Variants in KALRN observed in about 807,000 individuals in gnomAD.
KALRN encodes the protein kalirin.
In KALRN, 70 loss-of-function variants were observed where a neutral mutation model predicts 353.7. The observed-to-expected ratio is 0.20, with a 90% confidence interval of 0.16 to 0.24. KALRN has a LOEUF of 0.24. KALRN is among the 10% of genes least tolerant of loss of function. The probability of loss-of-function intolerance (pLI) is 1.00; values close to 1 mark genes in which losing one functional copy is unlikely to be tolerated. For synonymous variants in KALRN, 1,391 were observed against 1,434.8 expected (o/e 0.97, Z 0.69); for missense variants, 2,791 against 3,756.7 (o/e 0.74, Z 6.72).
At chr3:124,094,833 G>T in intron 1 of KALRN, 1 of 1,613,994 alleles carries the variant, frequency 6.2e-7, no homozygotes, top group East Asian at 2.2e-5. Context: ...TGAGTTCAGG[G>T]TGGGATGACG....
chr3:124,537,655 A>G (rs2068644963), intron 33 of KALRN, among the ~76,000 whole-genome samples: 1 of 152,228 alleles, frequency 6.6e-6, no homozygotes, highest in Non-Finnish European at 1.5e-5. Context: ...AACATCATAA[A>G]TAAAAGTCAA....
chr3:124,446,333 T>C, intron 20 of KALRN, 57 bp downstream of exon 20: 1 of 1,283,778 alleles, frequency 7.8e-7, no homozygotes, highest in Non-Finnish European at 1.1e-6. Context: ...CAGAGGCCCA[T>C]CACCAAGGCT....
rs372262221 is a variant in KALRN, at chr3:124,557,456, T to A, written c.4936-5387T>A. On this transcript the variant is annotated intron_variant, in intron 33 of 59. Transcript: ENST00000682506. ...ACATTACCTAATTAAATGAAATCACTTTCTGATGGAGGAATTCCAGGCATT... is the reference window on the plus strand; with the variant it reads ...ACATTACCTAATTAAATGAAATCACATTCTGATGGAGGAATTCCAGGCATT... 9.2e-5 allele frequency among the ~76,000 whole-genome samples: 14 copies of A among 152,314 alleles called. No homozygotes were observed. The East Asian group carries it at 1.3e-3, about 15-fold the overall frequency.
chr3:124,071,490 A>G (rs1204040700), intron 1 of KALRN, among the ~76,000 whole-genome samples: 2 of 152,234 alleles, frequency 1.3e-5, no homozygotes, highest in Non-Finnish European at 2.9e-5. Flanking sequence ...AGCAGAAGAC[A>G]TCTTAGTCTA....
intron 33 of KALRN, among the ~76,000 whole-genome samples, chr3:124,555,233 GA>G (rs35641670): frequency 2.0e-4 from 29 of 147,968 alleles, no homozygotes; most frequent in Admixed American, 8.8e-4. Context: ...TATCATTAAA[GA>G]AAAAAAAAAG....
Position 124,724,517 on chromosome 3 carries a change from G to A in KALRN, c.*5047G>A, listed in dbSNP as rs1296918717. The stretch of plus-strand genomic sequence containing the variant: ...GATGATGAATGATTAAACCCATGGT[G>A]GGCTTAGAGACGACAGAGCTCACAC... On this transcript the variant is annotated 3_prime_UTR_variant, in exon 60 of 60. Transcript: ENST00000682506. 6.6e-6 allele frequency: 1 copy of A among 152,124 alleles called. No individual in the cohort carries two copies. The highest frequency in any genetic ancestry group is 1.5e-5 in the Non-Finnish European group (1 of 68,004). 9.4% of individuals were successfully genotyped at this position (152,124 alleles called of 1,614,324 possible). A position where few individuals can be genotyped will look rare whatever the true frequency, so the allele number is the denominator to read the frequency against.
rs373194342 is a variant in KALRN at position 124,430,645 on chromosome 3, C to G, written c.2710-11C>G. On this transcript the variant is annotated splice_polypyrimidine_tract_variant and intron_variant, in intron 15 of 59. Coordinates refer to ENST00000682506, the MANE Select transcript of KALRN (RefSeq NM_001388419.1). ...AGGCCATTCACCTGTGTGCTTGTCC[C>G]GATTCCCTAGGTTCTGGGATGGATC... 1.9e-6 allele frequency: 3 copies of G among 1,613,630 alleles called. No individual in the cohort carries two copies.
chr3:124,294,933 G>A (rs1278943514), intron 5 of KALRN, among the ~76,000 whole-genome samples: 1 of 152,218 alleles, frequency 6.6e-6, no homozygotes, highest in South Asian at 2.1e-4. Context: ...CAGAAATGAA[G>A]TGACTTTTCC....
At chr3:124,471,828 G>A (rs183763848) in intron 25 of KALRN, among the ~76,000 whole-genome samples, 44 of 151,946 alleles carry the variant, frequency 2.9e-4, no homozygotes, top group East Asian at 9.8e-4. Context: ...TTAGCCAGGC[G>A]TGGTGGCGGG....
In KALRN at chr3:124,415,041, G is replaced by A. The variant is rs546542094; in HGVS notation, c.2542+1376G>A. Among the ~76,000 whole-genome samples the A allele has an allele frequency of 5.3e-5, 8 of 152,344 alleles. No homozygotes were observed. The East Asian group carries it at 7.7e-4, about 15-fold the overall frequency. Reference sequence around the variant, plus strand: ...TAGTAAATTCTGTTCACTTTTGTCAGCATAGTCTGTCCTTGAATTTTCATC... The same window carrying A: ...TAGTAAATTCTGTTCACTTTTGTCAACATAGTCTGTCCTTGAATTTTCATC... On this transcript the variant is annotated intron_variant, in intron 14 of 59. Coordinates refer to ENST00000682506, the MANE Select transcript of KALRN (RefSeq NM_001388419.1).
chr3:124,469,868 C>T (rs1040645711), intron 25 of KALRN, among the ~76,000 whole-genome samples: 2 of 152,172 alleles, frequency 1.3e-5, no homozygotes, highest in Non-Finnish European at 2.9e-5. Context: ...TTGTGCGCTC[C>T]TTAATGAAGG....
At chr3:124,645,269 C>CTA (rs2082560807) in intron 37 of KALRN, among the ~76,000 whole-genome samples, 1 of 151,814 alleles carries the variant, frequency 6.6e-6, no homozygotes, top group African/African-American at 2.4e-5. Context: ...TTCTCCCATT[C>CTA]TATAGCTTGC....
chr3:124,118,146 G>C (rs1172059108), intron 1 of KALRN, among the ~76,000 whole-genome samples: 1 of 152,122 alleles, frequency 6.6e-6, no homozygotes, highest in Non-Finnish European at 1.5e-5. Flanking sequence ...GTGACTGTCA[G>C]ACTTTCCAGC....
intron 13 of KALRN, among the ~76,000 whole-genome samples, chr3:124,407,318 A>T (rs4428125): frequency 0.67 from 102,088 of 151,282 alleles, 34,777 homozygotes; most frequent in Middle Eastern, 0.78. Context: ...GTTTTCTTTT[A>T]TATATATATA....
At chr3:124,511,103 T>C (rs1331636232) in intron 33 of KALRN, among the ~76,000 whole-genome samples, 1 of 152,086 alleles carries the variant, frequency 6.6e-6, no homozygotes, top group Non-Finnish European at 1.5e-5. Flanking sequence ...CAGAGCCACC[T>C]ACACTAATAT....
intron 21 of KALRN, among the ~76,000 whole-genome samples, chr3:124,454,061 A>G (rs1160400270): frequency 1.3e-5 from 2 of 152,256 alleles, no homozygotes; most frequent in African/African-American, 4.8e-5. Flanking sequence ...AAATTAATCC[A>G]GTAAACATCA....
At chr3:124,461,287 ACAACAG>A (rs1238758165) in intron 23 of KALRN, among the ~76,000 whole-genome samples, 1 of 152,122 alleles carries the variant, frequency 6.6e-6, no homozygotes, top group Non-Finnish European at 1.5e-5. Context: ...CTTTCACATG[ACAACAG>A]CAAAGTTGAG....
At chr3:124,569,348 A>G (rs1397413287) in intron 34 of KALRN, among the ~76,000 whole-genome samples, 1 of 152,206 alleles carries the variant, frequency 6.6e-6, no homozygotes, top group Non-Finnish European at 1.5e-5. Context: ...AACCGTGGAT[A>G]AAACTTGGGC....
At chr3:124,139,947 G>A (rs377053891) in intron 1 of KALRN, among the ~76,000 whole-genome samples, 47 of 152,122 alleles carry the variant, frequency 3.1e-4, no homozygotes, top group Admixed American at 1.2e-3. Flanking sequence ...GCGCTTTGCC[G>A]TGCTCTCTGG....
Sources: gnomAD v4.1 joint callset for allele counts (sites outside exome capture counted in the v4.1 genomes callset) on GRCh38, gnomAD v4.1.1 for gene constraint, MANE v1.5 for transcripts, NCBI Gene and HGNC (gene_info 2026-07-23, HGNC 2026-07-21) for gene names.